Variants in N4BP2L2 observed in about 807,000 individuals in gnomAD.
The protein encoded by N4BP2L2 is NEDD4-binding protein 2-like 2.
A neutral mutation model predicts 56.2 loss-of-function variants in N4BP2L2; 50 were observed. That is an observed-to-expected ratio of 0.89 (90% CI 0.71 to 1.13). The LOEUF is 1.13. Among genes scored for constraint, N4BP2L2 ranks in the 50% most tolerant of loss-of-function variants. The probability of loss-of-function intolerance (pLI) is 0.00; values close to 1 mark genes in which losing one functional copy is unlikely to be tolerated. For synonymous variants in N4BP2L2, 203 were observed against 223.6 expected, an observed-to-expected ratio of 0.91 and a Z score of 0.82; for missense variants, 689 against 693.8, an observed-to-expected ratio of 0.99 and a Z score of 0.08.
exon 2 of N4BP2L2, chr13:32,536,074 A>G (rs144435265): frequency 7.4e-6 from 12 of 1,614,100 alleles, no homozygotes; most frequent in African/African-American, 4.0e-5. Context: ...AATTATTTAC[A>G]TAATATCCAT....
chr13:32,503,515 G>C (rs190510860), intron 6 of N4BP2L2, among the ~76,000 whole-genome samples: 19 of 152,220 alleles, frequency 1.2e-4, no homozygotes, highest in Non-Finnish European at 1.5e-4. Flanking sequence ...TTCAAGAGTA[G>C]GAGGCTTACT....
chr13:32,450,514 C>CG (rs1194551653), intron 6 of N4BP2L2, among the ~76,000 whole-genome samples: 1 of 151,862 alleles, frequency 6.6e-6, no homozygotes, highest in African/African-American at 2.4e-5. Flanking sequence ...TTAGTAGAGA[C>CG]GGGGTTTCAC....
downstream of N4BP2L2, among the ~76,000 whole-genome samples, chr13:32,509,611 C>A (rs1190441475): frequency 6.6e-6 from 1 of 152,172 alleles, no homozygotes; most frequent in African/African-American, 2.4e-5. Flanking sequence ...TAGCCCATTA[C>A]TCTTATCACA....
intron 6 of N4BP2L2, among the ~76,000 whole-genome samples, chr13:32,500,417 G>A (rs1345362541): frequency 1.3e-5 from 2 of 151,846 alleles, no homozygotes; most frequent in African/African-American, 4.8e-5. Flanking sequence ...AGTAAGCCAG[G>A]AAGAACAACA....
At chr13:32,446,549 A>G in intron 6 of N4BP2L2, 3 of 1,284,656 alleles carry the variant, frequency 2.3e-6, no homozygotes, top group Non-Finnish European at 3.1e-6. Context: ...ATTAAATGGT[A>G]AAATACTAAT....
At chr13:32,513,877 C>T (rs967044820) in exon 6 of N4BP2L2, 5 of 152,124 alleles carry the variant, frequency 3.3e-5, no homozygotes, top group African/African-American at 1.2e-4. Flanking sequence ...GAACACACAA[C>T]TACATTTCTT....
intron 2 of N4BP2L2, among the ~76,000 whole-genome samples, chr13:32,534,321 C>T (rs563232882): frequency 5.6e-4 from 86 of 152,264 alleles, no homozygotes; most frequent in Admixed American, 1.4e-3. Flanking sequence ...CTTTATTCAC[C>T]TTTAATTTCA....
intron 6 of N4BP2L2, among the ~76,000 whole-genome samples, chr13:32,468,492 A>G (rs1306568836): frequency 2.6e-5 from 4 of 152,330 alleles, no homozygotes. Flanking sequence ...GAACAAAAGT[A>G]AAGAGGTACT....
intron 1 of N4BP2L2, among the ~76,000 whole-genome samples, chr13:32,537,609 T>C (rs1246644197): frequency 1.3e-5 from 2 of 152,152 alleles, no homozygotes; most frequent in African/African-American, 2.4e-5. Flanking sequence ...CTGTGAGTAG[T>C]TAGCATAAAA....
chr13:32,508,583 A>G (rs1435644420), downstream of N4BP2L2: 1 of 152,208 alleles, frequency 6.6e-6, no homozygotes, highest in Non-Finnish European at 1.5e-5. Context: ...AAAAGTGTCC[A>G]AAACAGGTCA....
At chr13:32,474,357 C>T (rs1202162041) in intron 6 of N4BP2L2, among the ~76,000 whole-genome samples, 1 of 151,892 alleles carries the variant, frequency 6.6e-6, no homozygotes, top group Non-Finnish European at 1.5e-5. Flanking sequence ...AACAAATCCA[C>T]AAAATGTCAC....
At chr13:32,499,751 C>A (rs1158001020) in intron 6 of N4BP2L2, among the ~76,000 whole-genome samples, 1 of 152,144 alleles carries the variant, frequency 6.6e-6, no homozygotes, top group East Asian at 1.9e-4. Flanking sequence ...CTCTATCTGA[C>A]CAAGGACAAT....
intron 6 of N4BP2L2, among the ~76,000 whole-genome samples, chr13:32,485,530 C>T (rs551799752): frequency 6.6e-6 from 1 of 152,034 alleles, no homozygotes; most frequent in African/African-American, 2.4e-5. Flanking sequence ...AATATGGATG[C>T]AAAACCTCAA....
chr13:32,520,357 T>TAA lies in N4BP2L2; in HGVS notation c.1550+1014_1550+1015dup, dbSNP rs55842806. 6.9e-4 allele frequency among the ~76,000 whole-genome samples: 95 copies of TAA among 137,572 alleles called. 1 individual carries two copies. Among genetic ancestry groups the TAA allele is most frequent in the Non-Finnish European group, 9.5e-4 (61 of 63,956 alleles). The allele number at this position is 137,572 out of a possible 152,430, so 90.3% of individuals were successfully genotyped here. A position where few individuals can be genotyped will look rare whatever the true frequency, so the allele number is the denominator to read the frequency against. ...TGGGGACGAGGAAGACGATAAAAGT[T>TAA]AAAAAAAAAAAAAAAGGCCAGGCGT... On this transcript the variant is annotated intron_variant, in intron 5 of 5. Transcript: ENST00000267068.
intron 6 of N4BP2L2, among the ~76,000 whole-genome samples, chr13:32,444,746 G>C (rs1195210070): frequency 6.6e-6 from 1 of 152,118 alleles, no homozygotes; most frequent in African/African-American, 2.4e-5. Flanking sequence ...GTATTAACAA[G>C]AATATGTTCT....
chr13:32,495,868 G>A (rs1220046998), intron 6 of N4BP2L2, among the ~76,000 whole-genome samples: 1 of 152,112 alleles, frequency 6.6e-6, no homozygotes, highest in South Asian at 2.1e-4. Context: ...ATTTTCAGTA[G>A]AGATGGGGTT....
intron 9 of N4BP2L2, among the ~76,000 whole-genome samples, chr13:32,433,800 G>A (rs1425537390): frequency 6.6e-6 from 1 of 150,436 alleles, no homozygotes; most frequent in African/African-American, 2.4e-5. Flanking sequence ...GCATGGTGGC[G>A]GGCGCCTGTA....
chr13:32,518,699 T>C lies in N4BP2L2; in HGVS notation c.1551-696A>G, dbSNP rs546330042. 7.2e-5 allele frequency among the ~76,000 whole-genome samples: 11 copies of C among 152,258 alleles called. No individual in the cohort carries two copies. The East Asian group carries it at 2.1e-3, about 29-fold the overall frequency. ...TTACCCAGGCAAAACAATGGCTACC[T>C]TTAGAGAATAAAAGGTAACTGTGAC... On this transcript the variant is annotated intron_variant, in intron 5 of 5. Transcript: ENST00000267068.
At chr13:32,484,141 G>A (rs1211874902) in intron 6 of N4BP2L2, among the ~76,000 whole-genome samples, 3 of 149,294 alleles carry the variant, frequency 2.0e-5, no homozygotes, top group Admixed American at 6.7e-5. Flanking sequence ...TGGGCATTAT[G>A]GCAAAACCCC....
Sources: allele counts gnomAD v4.1 joint callset (sites outside exome capture counted in the v4.1 genomes callset), GRCh38; gene constraint gnomAD v4.1.1; transcripts MANE v1.5; gene names NCBI Gene and HGNC (gene_info 2026-07-23, HGNC 2026-07-21).